The following CPPED1 variants were observed in gnomAD, a reference collection of about 807,000 sequenced individuals.
CPPED1 encodes serine/threonine-protein phosphatase CPPED1.
In CPPED1, 28 loss-of-function variants were observed where a neutral mutation model predicts 28.0. The observed-to-expected ratio is 1.00, with a 90% CI of 0.74 to 1.37. CPPED1 has a LOEUF of 1.37. CPPED1 is among the 40% of genes most tolerant of loss of function. CPPED1 has a pLI of 0.00. For synonymous variants in CPPED1, 198 were observed against 180.2 expected, an observed-to-expected ratio of 1.10 and a Z score of -0.79; for missense variants, 504 against 416.5, an observed-to-expected ratio of 1.21 and a Z score of -1.83.
At chr16:12,752,907 AATAT>A (rs1404158577) in intron 2 of CPPED1, 2 of 148,990 alleles carry the variant, frequency 1.3e-5, no homozygotes, top group East Asian at 1.9e-4. Flanking sequence ...AACATTATAT[AATAT>A]ATAAATATGT....
chr16:12,753,549 C>T (rs1474570893), intron 2 of CPPED1, among the ~76,000 whole-genome samples: 1 of 152,168 alleles, frequency 6.6e-6, no homozygotes, highest in African/African-American at 2.4e-5. Flanking sequence ...TTCCTGGTCA[C>T]TGATCTCCAT....
intron 2 of CPPED1, among the ~76,000 whole-genome samples, chr16:12,735,096 T>TCAAC (rs1012216382): frequency 2.0e-5 from 3 of 152,178 alleles, no homozygotes; most frequent in African/African-American, 7.2e-5. Flanking sequence ...GGAAGGCTTG[T>TCAAC]GTTGCCACTG....
chr16:12,671,190 C>A (rs2079851111), intron 3 of CPPED1, among the ~76,000 whole-genome samples: 3 of 152,108 alleles, frequency 2.0e-5, no homozygotes, highest in African/African-American at 7.2e-5. Context: ...ACCATTTTCC[C>A]CATTCATTAA....
Position 12,721,856 on chromosome 16 carries a change from TA to T in CPPED1, c.290-16808del, listed in dbSNP as rs1273776795. Among the ~76,000 whole-genome samples the T allele has an allele frequency of 2.6e-5, 4 of 152,306 alleles. No individual in the cohort carries two copies. In the East Asian group the frequency reaches 7.7e-4, roughly 29 times the overall value. ...TAAGATTCTACTAGCAAATAATTTT[TA>T]AAAACCAACCACCTCTGAGACCTTC... On this transcript the variant is annotated intron_variant, in intron 2 of 3. Transcript: ENST00000381774.
In CPPED1 at chr16:12,663,095, TC is replaced by T. The variant is rs2079805346; in HGVS notation, c.*1790del. 1 of 150,374 alleles carries T rather than the reference TC, an allele frequency of 6.7e-6. No homozygotes were observed. The highest frequency in any genetic ancestry group is 6.6e-5 in the Admixed American group (1 of 15,070). The allele number at this position is 150,374 out of a possible 1,614,324, so 9.3% of individuals were successfully genotyped here. A position where few individuals can be genotyped will look rare whatever the true frequency, so the allele number is the denominator to read the frequency against. On this transcript the variant is annotated 3_prime_UTR_variant, in exon 4 of 4. Transcript: ENST00000381774. ...TTTTTTTTTTGAGACAGAGTCTTGC[TC>T]TGTTGCCCAGGCTGGAGTGCAGTGG...
intron 2 of CPPED1, among the ~76,000 whole-genome samples, chr16:12,740,510 C>T (rs1399560405): frequency 6.6e-6 from 1 of 151,888 alleles, no homozygotes; most frequent in Non-Finnish European, 1.5e-5. Context: ...GCATACCAAT[C>T]ATGACTAATT....
At chr16:12,760,717 T>A (rs2080404363) in intron 2 of CPPED1, 1 of 152,190 alleles carries the variant, frequency 6.6e-6, no homozygotes, top group Non-Finnish European at 1.5e-5. Context: ...AGTTTTTAAT[T>A]TACTGATAAG....
In CPPED1 at chr16:12,709,533, C is replaced by T. The variant is rs1471904046; in HGVS notation, c.290-4484G>A. Among the ~76,000 whole-genome samples, 2 of 152,054 alleles carry T rather than the reference C, an allele frequency of 1.3e-5. No individual in the cohort carries two copies. Among genetic ancestry groups the T allele is most frequent in the African/African-American group, 4.8e-5 (2 of 41,388 alleles). On this transcript the variant is annotated intron_variant, in intron 2 of 3. Coordinates refer to ENST00000381774, the MANE Select transcript of CPPED1 (RefSeq NM_018340.3). This position sits in a 1 kb window ranked among gnomAD's most constrained non-coding sequence, Gnocchi z 4.4. Reference sequence around the variant, plus strand: ...AACTAGGAGGTAAAAAGCATGATAACGATAATTACAAAATTCTTATTTGTA... The same window carrying T: ...AACTAGGAGGTAAAAAGCATGATAATGATAATTACAAAATTCTTATTTGTA...
chr16:12,778,640 A>G (rs745750971), intron 2 of CPPED1, among the ~76,000 whole-genome samples: 5 of 152,262 alleles, frequency 3.3e-5, no homozygotes, highest in African/African-American at 1.2e-4. Context: ...GCCTATTAAT[A>G]TATGCATTTG....
chr16:12,717,302 C>A (rs950670198), intron 2 of CPPED1, among the ~76,000 whole-genome samples: 1 of 152,184 alleles, frequency 6.6e-6, no homozygotes, highest in Non-Finnish European at 1.5e-5. Context: ...CTCGCTTTGT[C>A]GCCCAGGCTG....
At chr16:12,739,001 G>C (rs1410814087) in intron 2 of CPPED1, among the ~76,000 whole-genome samples, 1 of 152,158 alleles carries the variant, frequency 6.6e-6, no homozygotes, top group Non-Finnish European at 1.5e-5. Context: ...GCACCACACG[G>C]TGAAGGGTGA....
chr16:12,781,112 T>C (rs2080527751), intron 2 of CPPED1, 73 bp downstream of exon 2: 1 of 1,414,516 alleles, frequency 7.1e-7, no homozygotes, highest in Non-Finnish European at 9.8e-7. Context: ...AGCAAAATCT[T>C]TTTTTCTCCT....
intron 2 of CPPED1, among the ~76,000 whole-genome samples, chr16:12,770,952 C>T (rs992742499): frequency 2.0e-5 from 3 of 151,854 alleles, no homozygotes; most frequent in African/African-American, 4.8e-5. Flanking sequence ...CTTTTGACCA[C>T]AGTGACCCCG....
intron 2 of CPPED1, among the ~76,000 whole-genome samples, chr16:12,721,898 C>T (rs753767942): frequency 1.3e-5 from 2 of 152,122 alleles, no homozygotes; most frequent in African/African-American, 2.4e-5. Flanking sequence ...ATTTTCTCTC[C>T]GCTATGGAGG....
intron 2 of CPPED1, among the ~76,000 whole-genome samples, chr16:12,758,597 C>T (rs2141224861): frequency 6.6e-6 from 1 of 152,304 alleles, no homozygotes. Flanking sequence ...CTGACCAAGG[C>T]ACTATTTTCC....
chr16:12,739,775 G>A (rs1029247775), intron 2 of CPPED1, among the ~76,000 whole-genome samples: 20 of 152,166 alleles, frequency 1.3e-4, no homozygotes, highest in Admixed American at 3.3e-4. Flanking sequence ...GAGACATGAG[G>A]AGAAATTGGC....
At position 12,698,856 on chromosome 16, in the gene CPPED1, G is replaced by A. The variant is rs541924822; in HGVS notation, c.715+5768C>T. ...TGTGAAATGACTCATTAACTTTTGC[G>A]GGGAAGATCAACTTATTGGAATTTT... On this transcript the variant is annotated intron_variant, in intron 3 of 3. Transcript: ENST00000381774. Among the ~76,000 whole-genome samples, 19 of 152,254 alleles carry A rather than the reference G, an allele frequency of 1.2e-4. No homozygotes were observed. The South Asian group carries it at 1.7e-3, about 13-fold the overall frequency.
intron 2 of CPPED1, among the ~76,000 whole-genome samples, chr16:12,711,413 G>C (rs904564393): frequency 1.3e-5 from 2 of 152,208 alleles, no homozygotes; most frequent in Admixed American, 1.3e-4. Context: ...AGATGGTGAT[G>C]ATGGTTGCAC....
At chr16:12,739,850 C>T (rs1193543955) in intron 2 of CPPED1, among the ~76,000 whole-genome samples, 1 of 152,190 alleles carries the variant, frequency 6.6e-6, no homozygotes, top group East Asian at 1.9e-4. Flanking sequence ...GTACTGCCTC[C>T]CTTCCTGCCT....
Sources: gnomAD v4.1 joint callset for allele counts (sites outside exome capture counted in the v4.1 genomes callset) on GRCh38, gnomAD v4.1.1 for gene constraint, Gnocchi (gnomAD v3.1) non-coding constraint, MANE v1.5 for transcripts, NCBI Gene and HGNC (gene_info 2026-07-23, HGNC 2026-07-21) for gene names.